Variants in VIT observed in about 807,000 individuals in gnomAD.
VIT encodes vitrin.
Under a neutral mutation model 78.0 loss-of-function variants are expected in VIT, and 99 were observed. The observed-to-expected ratio is 1.27, with a 90% CI of 1.08 to 1.50. The LOEUF is 1.50. VIT is among the 40% of genes most tolerant of loss of function. The pLI is 0.00. For synonymous variants in VIT, 374 were observed against 334.3 expected (o/e 1.12, Z -1.29); for missense variants, 1,126 against 875.3 (o/e 1.29, Z -3.61).
chr2:36,722,767 CT>C (rs1206743505), intron 2 of VIT, among the ~76,000 whole-genome samples: 1 of 152,098 alleles, frequency 6.6e-6, no homozygotes, highest in Non-Finnish European at 1.5e-5. Flanking sequence ...TATTTCATGT[CT>C]TTTCTTGAAC....
intron 2 of VIT, among the ~76,000 whole-genome samples, chr2:36,727,149 T>C (rs1257257713): frequency 4.6e-5 from 7 of 152,038 alleles, no homozygotes; most frequent in African/African-American, 1.7e-4. Context: ...GAGGGAATAC[T>C]CAGGTCACTT....
chr2:36,802,702 G>C (rs750063275), intron 13 of VIT, among the ~76,000 whole-genome samples: 1 of 152,188 alleles, frequency 6.6e-6, no homozygotes, highest in Non-Finnish European at 1.5e-5. Flanking sequence ...AGGCACTCTC[G>C]TTCCTTGACG....
intron 1 of VIT, among the ~76,000 whole-genome samples, chr2:36,702,980 A>G (rs573469681): frequency 6.6e-6 from 1 of 152,240 alleles, no homozygotes; most frequent in South Asian, 2.1e-4. Flanking sequence ...CTCAGACCAG[A>G]GCTAAAACAA....
chr2:36,777,008 G>A (rs1178868659), intron 9 of VIT, among the ~76,000 whole-genome samples: 7 of 148,320 alleles, frequency 4.7e-5, no homozygotes, highest in Admixed American at 6.9e-5. Flanking sequence ...AGAATGGCAT[G>A]AACCCAGGAG....
intron 1 of VIT, among the ~76,000 whole-genome samples, chr2:36,710,262 A>T (rs1665719845): frequency 6.6e-6 from 1 of 152,170 alleles, no homozygotes; most frequent in Non-Finnish European, 1.5e-5. Flanking sequence ...ACATATACGC[A>T]CAGGGTAAAG....
intron 7 of VIT, among the ~76,000 whole-genome samples, chr2:36,770,460 G>A (rs1669679441): frequency 6.6e-6 from 1 of 152,198 alleles, no homozygotes; most frequent in Non-Finnish European, 1.5e-5. Context: ...GGTGGAAGGT[G>A]GGGCTGGACA....
intron 12 of VIT, among the ~76,000 whole-genome samples, chr2:36,790,212 C>G (rs1416234769): frequency 3.3e-5 from 5 of 152,198 alleles, no homozygotes; most frequent in African/African-American, 1.2e-4. Context: ...CAGAAAACCA[C>G]TCCAGGTAGC....
chr2:36,802,395 T>A (rs1666396255), intron 13 of VIT, among the ~76,000 whole-genome samples: 1 of 152,250 alleles, frequency 6.6e-6, no homozygotes, highest in Non-Finnish European at 1.5e-5. Flanking sequence ...GTTGCTTGGC[T>A]TAGAGTACAT....
chr2:36,700,004 G>A (rs1459607659), intron 1 of VIT, among the ~76,000 whole-genome samples: 2 of 96,782 alleles, frequency 2.1e-5, no homozygotes, highest in Non-Finnish European at 5.3e-5. Flanking sequence ...TTTGATCAGT[G>A]CCAAATGTTA....
intron 11 of VIT, 61 bp from the exon 12 acceptor site, chr2:36,787,068 G>T: frequency 1.3e-6 from 2 of 1,595,310 alleles, no homozygotes; most frequent in Non-Finnish European, 1.7e-6. Context: ...GGAACAAGAG[G>T]ATGCCCAGGT....
chr2:36,778,747 A>G (rs1670220990), intron 9 of VIT, among the ~76,000 whole-genome samples: 1 of 152,100 alleles, frequency 6.6e-6, no homozygotes, highest in Non-Finnish European at 1.5e-5. Context: ...AGTGCTCCCC[A>G]CTTCGGTACA....
chr2:36,808,916 A>C lies in VIT; in HGVS notation c.1834A>C (p.Met612Leu), dbSNP rs1189226722. The C allele has an allele frequency of 6.2e-7, 1 of 1,613,834 alleles. No individual in the cohort carries two copies. Among genetic ancestry groups the C allele is most frequent in the Non-Finnish European group, 8.5e-7 (1 of 1,179,878 alleles). The change falls in exon 15 of 16, where the codon ATG becomes CTG. Residue 612 changes from methionine (M) to leucine (L), a missense_variant. Transcript: ENST00000379242. Reference sequence around the variant, plus strand: ...GTCCAAGCCCAACAAGAGGAAGTTAATGATCCTCATCACCGACGGGAGGTC... The same window carrying C: ...GTCCAAGCCCAACAAGAGGAAGTTACTGATCCTCATCACCGACGGGAGGTC... ...KKSKPNKRKL[M>L]ILITDGRSYD...
intron 3 of VIT, among the ~76,000 whole-genome samples, chr2:36,740,551 C>T (rs72855815): frequency 0.095 from 14,478 of 152,122 alleles, 1,425 homozygotes; most frequent in East Asian, 0.3. Flanking sequence ...CACACTTTAC[C>T]GTGGCTCCCT....
In VIT at chr2:36,778,556, A is replaced by T. The variant is rs116325417; in HGVS notation, c.803-3171A>T. ...GAAAAGGCTGCCAGGTTTCCCAAAA[A>T]ATACCCCACACCGAGCCTTGGATGG... On this transcript the variant is annotated intron_variant, in intron 9 of 15. Transcript: ENST00000379242. 5.2e-3 allele frequency among the ~76,000 whole-genome samples: 789 copies of T among 152,188 alleles called. 8 individuals carry two copies. The highest frequency in any genetic ancestry group is 0.017 in the African/African-American group (693 of 41,518).
intron 1 of VIT, among the ~76,000 whole-genome samples, chr2:36,702,199 AAC>A (rs1161911834): frequency 6.6e-6 from 1 of 152,144 alleles, no homozygotes; most frequent in African/African-American, 2.4e-5. Flanking sequence ...CCCTGAGTGG[AAC>A]CATGCTTGGG....
At chr2:36,801,152 A>C in intron 12 of VIT, 149 bp from the exon 13 acceptor site, 1 of 728,244 alleles carries the variant, frequency 1.4e-6, no homozygotes, top group Non-Finnish European at 2.4e-6. Flanking sequence ...CTCTACACAC[A>C]CCAGTCCACA....
intron 3 of VIT, among the ~76,000 whole-genome samples, chr2:36,732,233 A>G (rs1667255263): frequency 6.6e-6 from 1 of 152,250 alleles, no homozygotes; most frequent in Admixed American, 6.5e-5. Flanking sequence ...TGCAGTGACT[A>G]TGAAAGTCTG....
At chr2:36,753,379 G>GA (rs1234293437) in intron 4 of VIT, among the ~76,000 whole-genome samples, 18 of 151,404 alleles carry the variant, frequency 1.2e-4, no homozygotes, top group Admixed American at 4.6e-4. Flanking sequence ...AAAAGTTGAA[G>GA]AAAAAAAAAT....
Position 36,801,733 on chromosome 2 carries a change from G to A in VIT, c.1162+329G>A, listed in dbSNP as rs960930757. 1.1e-4 allele frequency among the ~76,000 whole-genome samples: 16 copies of A among 148,984 alleles called. No homozygotes were observed. In the Middle Eastern group the frequency reaches 0.014, roughly 131 times the overall value. On this transcript the variant is annotated intron_variant, in intron 13 of 15. Transcript: ENST00000379242. ...TGAGGTTGCAGTGAGCCAAGATGGC[G>A]CCACTGCACTCCAGCCTGGGTGGCA...
Sources: allele counts gnomAD v4.1 joint callset (sites outside exome capture counted in the v4.1 genomes callset), GRCh38; gene constraint gnomAD v4.1.1; transcripts MANE v1.5; gene names NCBI Gene and HGNC (gene_info 2026-07-23, HGNC 2026-07-21).